Variants in DNAJC10 observed in about 807,000 individuals in gnomAD.
DNAJC10 encodes the protein endoplasmic reticulum disulfide reductase DNAJC10.
Under a neutral mutation model 115.0 loss-of-function variants are expected in DNAJC10, and 101 were observed. The ratio of observed to expected loss-of-function variants is 0.88; its 90% CI spans 0.75 to 1.04. DNAJC10 has a LOEUF of 1.04. DNAJC10 is among the 50% of genes least tolerant of loss of function. The probability of loss-of-function intolerance (pLI) is 0.00; values close to 1 mark genes in which losing one functional copy is unlikely to be tolerated. For missense variants in DNAJC10, 981 were observed against 928.8 expected, an observed-to-expected ratio of 1.06 and a Z score of -0.73; for synonymous variants, 307 against 301.5, an observed-to-expected ratio of 1.02 and a Z score of -0.19.
chr2:182,733,449 A>C (rs1374091991), intron 10 of DNAJC10, among the ~76,000 whole-genome samples: 1 of 151,828 alleles, frequency 6.6e-6, no homozygotes, highest in Non-Finnish European at 1.5e-5. Flanking sequence ...AAAAAACAAA[A>C]CCATGTCCCC....
chr2:182,734,356 T>C (rs1009652121), intron 10 of DNAJC10, among the ~76,000 whole-genome samples: 13 of 151,620 alleles, frequency 8.6e-5, no homozygotes, highest in Non-Finnish European at 1.0e-4. Context: ...TCACAGATTC[T>C]ATATTTTTTG....
In DNAJC10 at chr2:182,733,382, C is replaced by T. The variant is rs182070741; in HGVS notation, c.849+840C>T. Among the ~76,000 whole-genome samples the T allele has an allele frequency of 3.1e-4, 47 of 151,910 alleles. No individual in the cohort carries two copies. The East Asian group carries it at 7.5e-3, about 24-fold the overall frequency. On this transcript the variant is annotated intron_variant, in intron 10 of 23. Transcript: ENST00000264065. ...TTTCTTATTTCACCCTATGCCTAGG[C>T]CTTTAGTTTTTCAGCACTACACATT...
At position 182,785,559 on chromosome 2, in the gene DNAJC10, G is replaced by A. The variant is rs1463570830; in HGVS notation, c.*8427G>A. On this transcript the variant is annotated 3_prime_UTR_variant, in exon 24 of 24. Coordinates refer to ENST00000264065, the MANE Select transcript of DNAJC10 (RefSeq NM_018981.4). ...AGTCATATAAATAAGATGAGGTAAT[G>A]TGTTTAGAAAAACAAATCAATGTGC... 6.6e-6 allele frequency: 1 copy of A among 152,078 alleles called. No homozygotes were observed. The highest frequency in any genetic ancestry group is 1.5e-5 in the Non-Finnish European group (1 of 68,014). The allele number at this position is 152,078 out of a possible 1,614,324, so 9.4% of individuals were successfully genotyped here.
intron 22 of DNAJC10, 102 bp downstream of exon 22, chr2:182,762,903 T>C: frequency 5.5e-6 from 7 of 1,263,296 alleles, no homozygotes; most frequent in Non-Finnish European, 7.6e-6. Context: ...ATCCTTGTCA[T>C]TTTTTTATAT....
At chr2:182,738,321 A>G (rs1299022500) in intron 11 of DNAJC10, among the ~76,000 whole-genome samples, 1 of 152,206 alleles carries the variant, frequency 6.6e-6, no homozygotes, top group East Asian at 1.9e-4. Context: ...GAAAAGTTGT[A>G]CTAGTTTATT....
rs1056510753 is a variant in DNAJC10, at chr2:182,783,877, A to G, written c.*6745A>G. 1.3e-5 allele frequency: 2 copies of G among 152,204 alleles called. No individual in the cohort carries two copies. Among genetic ancestry groups the G allele is most frequent in the East Asian group, 1.9e-4 (1 of 5,204 alleles). 9.4% of individuals were successfully genotyped at this position (152,204 alleles called of 1,614,324 possible). A position where few individuals can be genotyped will look rare whatever the true frequency, so the allele number is the denominator to read the frequency against. On this transcript the variant is annotated 3_prime_UTR_variant, in exon 24 of 24. Coordinates refer to ENST00000264065, the MANE Select transcript of DNAJC10 (RefSeq NM_018981.4). Reference sequence around the variant, plus strand: ...AACTCAAGAATGAATAACATGATCTATCAAAAGGCCTATAATCTCAATCTT... The same window carrying G: ...AACTCAAGAATGAATAACATGATCTGTCAAAAGGCCTATAATCTCAATCTT...
At chr2:182,765,964 T>G (rs960481073) in intron 22 of DNAJC10, among the ~76,000 whole-genome samples, 4 of 152,204 alleles carry the variant, frequency 2.6e-5, no homozygotes, top group Admixed American at 1.3e-4. Flanking sequence ...GGGGGTAGCA[T>G]GTATTAGGCC....
chr2:182,759,354 A>T (rs752319970), intron 21 of DNAJC10, 47 bp downstream of exon 21: 1 of 1,546,624 alleles, frequency 6.5e-7, no homozygotes, highest in South Asian at 1.2e-5. Context: ...TTCATGTTTT[A>T]GTAATTAGAT....
At position 182,783,791 on chromosome 2, in the gene DNAJC10, A is replaced by G. The variant is rs1694897301; in HGVS notation, c.*6659A>G. 6.6e-6 allele frequency: 1 copy of G among 152,150 alleles called. No individual in the cohort carries two copies. Among genetic ancestry groups the G allele is most frequent in the South Asian group, 2.1e-4 (1 of 4,826 alleles). The allele number at this position is 152,150 out of a possible 1,614,324, so 9.4% of individuals were successfully genotyped here. A position where few individuals can be genotyped will look rare whatever the true frequency, so the allele number is the denominator to read the frequency against. ...TATAAAAACTTGGGTATATTACTTGAAGATCAACTATATTGTTATTTTTAG... is the reference window on the plus strand; with the variant it reads ...TATAAAAACTTGGGTATATTACTTGGAGATCAACTATATTGTTATTTTTAG... On this transcript the variant is annotated 3_prime_UTR_variant, in exon 24 of 24. Coordinates refer to ENST00000264065, the MANE Select transcript of DNAJC10 (RefSeq NM_018981.4).
chr2:182,736,133 C>A (rs1429463358), intron 10 of DNAJC10, 116 bp from the exon 11 acceptor site: 3 of 844,014 alleles, frequency 3.6e-6, no homozygotes, highest in Non-Finnish European at 5.3e-6. Flanking sequence ...AGAACTAAGG[C>A]ATGAAGTTTT....
chr2:182,743,586 T>C lies in DNAJC10; in HGVS notation c.1192-12T>C, dbSNP rs202228500. Reference sequence around the variant, plus strand: ...CAGTGTTTTTATCAAATTTGACCTTTTTCTCCTTTAGGTTGGCAGGTTTGA... The same window carrying C: ...CAGTGTTTTTATCAAATTTGACCTTCTTCTCCTTTAGGTTGGCAGGTTTGA... On this transcript the variant is annotated splice_polypyrimidine_tract_variant and intron_variant, in intron 13 of 23. Coordinates refer to ENST00000264065, the MANE Select transcript of DNAJC10 (RefSeq NM_018981.4). The C allele has an allele frequency of 4.1e-5, 65 of 1,590,686 alleles. No individual in the cohort carries two copies. The East Asian group carries it at 5.4e-4, about 13-fold the overall frequency.
intron 12 of DNAJC10, among the ~76,000 whole-genome samples, chr2:182,740,633 C>T (rs1003630865): frequency 2.0e-5 from 3 of 152,100 alleles, no homozygotes; most frequent in Non-Finnish European, 2.9e-5. Context: ...AAAGGAACAT[C>T]AGAAAAGGCA....
chr2:182,764,094 C>G lies in DNAJC10; in HGVS notation c.2265+1293C>G, dbSNP rs1390546986. ...TAAGCCCCTTGCAGATGTGCTTTCA[C>G]TCTCTCCCAAGCATATTGGGAGCTA... On this transcript the variant is annotated intron_variant, in intron 22 of 23. Transcript: ENST00000264065. Among the ~76,000 whole-genome samples, 4 of 152,252 alleles carry G rather than the reference C, an allele frequency of 2.6e-5. No homozygotes were observed. The East Asian group carries it at 7.7e-4, about 29-fold the overall frequency.
At chr2:182,743,477 T>A in intron 13 of DNAJC10, 121 bp from the exon 14 acceptor site, 1 of 673,826 alleles carries the variant, frequency 1.5e-6, no homozygotes, top group South Asian at 1.8e-5. Context: ...TTTCGTAGCC[T>A]ATTAGCTTCT....
In DNAJC10 at chr2:182,777,246, G is replaced by C. The variant is rs1338089656; in HGVS notation, c.*114G>C. On this transcript the variant is annotated 3_prime_UTR_variant, in exon 24 of 24. Transcript: ENST00000264065. ...AATGAATGAACATTATCTTAGACTT[G>C]CAGTTGTACTGCCAGAATTATCTAC... 3 of 644,232 alleles carry C rather than the reference G, an allele frequency of 4.7e-6. No homozygotes were observed. Among genetic ancestry groups the C allele is most frequent in the African/African-American group, 3.7e-5 (2 of 53,466 alleles). The allele number at this position is 644,232 out of a possible 1,614,324, so 39.9% of individuals were successfully genotyped here. A position where few individuals can be genotyped will look rare whatever the true frequency, so the allele number is the denominator to read the frequency against.
intron 21 of DNAJC10, among the ~76,000 whole-genome samples, chr2:182,762,351 CCCCCAGTGAA>C (rs1177810654): frequency 6.6e-6 from 1 of 151,946 alleles, no homozygotes; most frequent in Non-Finnish European, 1.5e-5. Context: ...CCACAGCACA[CCCCCAGTGAA>C]AGGAGAAAAA....
chr2:182,733,405 A>G (rs1693501016), intron 10 of DNAJC10, among the ~76,000 whole-genome samples: 1 of 151,916 alleles, frequency 6.6e-6, no homozygotes, highest in Non-Finnish European at 1.5e-5. Context: ...AGCACTACAC[A>G]TTAAAATCAC....
rs1246773670 is a variant in DNAJC10 at position 182,781,757 on chromosome 2, G to A, written c.*4625G>A. On this transcript the variant is annotated 3_prime_UTR_variant, in exon 24 of 24. Transcript: ENST00000264065. ...TCATATCTTTGTTGGCCACCTAAAT[G>A]TCTTCTTTTGAGAAGTGTCTGTTCA... 6.6e-6 allele frequency: 1 copy of A among 152,100 alleles called. No individual in the cohort carries two copies. The highest frequency in any genetic ancestry group is 1.5e-5 in the Non-Finnish European group (1 of 68,022). 9.4% of individuals were successfully genotyped at this position (152,100 alleles called of 1,614,324 possible).
At chr2:182,746,053 C>T (rs1693857085) in intron 14 of DNAJC10, among the ~76,000 whole-genome samples, 1 of 152,164 alleles carries the variant, frequency 6.6e-6, no homozygotes, top group African/African-American at 2.4e-5. Context: ...CATGTCCCTA[C>T]AAAGGACATG....
Sources: allele counts gnomAD v4.1 joint callset (sites outside exome capture counted in the v4.1 genomes callset), GRCh38; gene constraint gnomAD v4.1.1; transcripts MANE v1.5; gene names NCBI Gene and HGNC (gene_info 2026-07-23, HGNC 2026-07-21).